Variants in ODAD2 observed in about 807,000 individuals in gnomAD.
ODAD2 encodes the protein outer dynein arm docking complex subunit 2, also known as outer dynein arm-docking complex subunit 2.
Under a neutral mutation model 106.8 loss-of-function variants are expected in ODAD2, and 89 were observed. That is an observed-to-expected ratio of 0.83 (90% CI 0.70 to 0.99). ODAD2 has a LOEUF of 0.99. Among genes scored for constraint, ODAD2 ranks in the 50% least tolerant of loss-of-function variants. ODAD2 has a pLI of 0.00. For missense variants in ODAD2, 1,168 were observed against 1,238.5 expected, an observed-to-expected ratio of 0.94 and a Z score of 0.85; for synonymous variants, 404 against 436.2, an observed-to-expected ratio of 0.93 and a Z score of 0.92.
chr10:27,923,215 T>C (rs1468089372), intron 16 of ODAD2, among the ~76,000 whole-genome samples: 7 of 152,200 alleles, frequency 4.6e-5, no homozygotes, highest in Admixed American at 6.5e-5. Context: ...CTATGTTTAA[T>C]TGACTCACAA....
intron 16 of ODAD2, among the ~76,000 whole-genome samples, chr10:27,931,758 T>A (rs1261009644): frequency 6.8e-6 from 1 of 147,804 alleles, no homozygotes; most frequent in Non-Finnish European, 1.5e-5. Flanking sequence ...AGGTGGCAAC[T>A]AGATAACCTG....
At chr10:27,906,954 T>C (rs1843642414) in intron 17 of ODAD2, among the ~76,000 whole-genome samples, 1 of 152,112 alleles carries the variant, frequency 6.6e-6, no homozygotes, top group Admixed American at 6.6e-5. Flanking sequence ...ATGGCATGTG[T>C]ATACCTATGT....
chr10:27,999,208 C>A (rs1286801213), upstream of ODAD2, among the ~76,000 whole-genome samples: 3 of 152,214 alleles, frequency 2.0e-5, no homozygotes, highest in African/African-American at 4.8e-5. Context: ...CTAACTCACT[C>A]CACGCGGTGG....
chr10:27,865,455 C>T (rs537753530), intron 17 of ODAD2, among the ~76,000 whole-genome samples: 1 of 152,312 alleles, frequency 6.6e-6, no homozygotes, highest in Admixed American at 6.5e-5. Flanking sequence ...ACATCTTCAG[C>T]TGCCAACTAA....
rs371924761 is a variant in ODAD2, at chr10:27,907,713, C to T, written c.2560G>A (p.Val854Met). The T allele has an allele frequency of 4.3e-5, 69 of 1,613,730 alleles. No homozygotes were observed. Among genetic ancestry groups the T allele is most frequent in the Middle Eastern group, 3.3e-4 (2 of 6,060 alleles). Residue 854 changes from valine to methionine, a missense_variant, in exon 17 of 20, where the codon GTG becomes ATG. Transcript: ENST00000305242. ...WSLLKNPHPD[V>M]KASAAWALCP... ...AGTGCCCATGCTGCGCTGGCCTTCA[C>T]GTCTGGGTGAGGATTTTTCAGCAGG...
intron 17 of ODAD2, among the ~76,000 whole-genome samples, chr10:27,890,933 C>G (rs920020558): frequency 6.6e-6 from 1 of 151,956 alleles, no homozygotes; most frequent in African/African-American, 2.4e-5. Flanking sequence ...ATTTTAAAGA[C>G]GTTTTGGATT....
chr10:27,833,413 A>G (rs1411946952), intron 19 of ODAD2, among the ~76,000 whole-genome samples: 1 of 152,210 alleles, frequency 6.6e-6, no homozygotes, highest in Non-Finnish European at 1.5e-5. Context: ...AAACTTCTCT[A>G]GCAGCACGGA....
At chr10:27,899,670 C>T (rs144911734) in intron 17 of ODAD2, among the ~76,000 whole-genome samples, 8,884 of 152,182 alleles carry the variant, frequency 0.058, 349 homozygotes, top group East Asian at 0.16. Flanking sequence ...AGGTGGTTTT[C>T]CCCTCACAGT....
chr10:27,941,865 AT>A (rs1160216262), intron 12 of ODAD2, among the ~76,000 whole-genome samples: 1 of 152,056 alleles, frequency 6.6e-6, no homozygotes, highest in Admixed American at 6.6e-5. Context: ...CCAATCTCAA[AT>A]TTATAAGGGA....
chr10:27,929,112 G>C (rs993359952), intron 16 of ODAD2, among the ~76,000 whole-genome samples: 1 of 152,128 alleles, frequency 6.6e-6, no homozygotes, highest in Non-Finnish European at 1.5e-5. Context: ...TATTAATCAT[G>C]TAGACTGTAC....
In ODAD2 at chr10:27,944,216, A is replaced by G. The variant is rs770250660; in HGVS notation, c.1743+6T>C. 2.5e-6 allele frequency: 4 copies of G among 1,608,904 alleles called. No individual in the cohort carries two copies. Among genetic ancestry groups the G allele is most frequent in the Non-Finnish European group, 3.4e-6 (4 of 1,178,046 alleles). On this transcript the variant is annotated splice_donor_region_variant and intron_variant, in intron 12 of 19. Transcript: ENST00000305242. The stretch of plus-strand genomic sequence containing the variant: ...AGATGACGATGACAACATCACGGCT[A>G]CTCACCAGTTTGGTGATACCCCCGT...
chr10:27,844,049 T>G (rs1398538352), intron 19 of ODAD2, among the ~76,000 whole-genome samples: 2 of 152,034 alleles, frequency 1.3e-5, no homozygotes, highest in Non-Finnish European at 2.9e-5. Context: ...AATAAAAAAA[T>G]TAGCCAGGTA....
intron 10 of ODAD2, among the ~76,000 whole-genome samples, chr10:27,961,205 C>T (rs980011045): frequency 3.9e-5 from 6 of 152,136 alleles, no homozygotes; most frequent in Admixed American, 1.3e-4. Context: ...TCAACAGCTA[C>T]GTTGCTAGTA....
chr10:27,886,565 C>G (rs146815853), intron 17 of ODAD2, among the ~76,000 whole-genome samples: 25 of 151,928 alleles, frequency 1.6e-4, no homozygotes, highest in African/African-American at 5.3e-4. Flanking sequence ...TGAAGCCATA[C>G]AAAAATATAA....
chr10:27,965,307 C>A (rs1226076748), intron 9 of ODAD2, among the ~76,000 whole-genome samples: 1 of 152,154 alleles, frequency 6.6e-6, no homozygotes, highest in Non-Finnish European at 1.5e-5. Flanking sequence ...CCTGTGGTTA[C>A]ACAGAGCCTA....
At chr10:27,926,004 TAA>T (rs34649733) in intron 16 of ODAD2, among the ~76,000 whole-genome samples, 24 of 102,940 alleles carry the variant, frequency 2.3e-4, no homozygotes, top group Admixed American at 6.3e-4. Flanking sequence ...AGACTCCAGC[TAA>T]AAAAAAAAAA....
chr10:27,824,138 C>CAAAAAAA (rs71388934), intron 19 of ODAD2, among the ~76,000 whole-genome samples: 1 of 33,126 alleles, frequency 3.0e-5, no homozygotes, highest in Non-Finnish European at 5.1e-5. Context: ...GACTCCGTCT[C>CAAAAAAA]AAAAAAAAAA....
At position 27,827,590 on chromosome 10, in the gene ODAD2, A is replaced by T. The variant is rs549587416; in HGVS notation, c.3022-14965T>A. 2.6e-5 allele frequency among the ~76,000 whole-genome samples: 4 copies of T among 151,406 alleles called. No individual in the cohort carries two copies. The East Asian group carries it at 7.8e-4, about 30-fold the overall frequency. ...AGGCATCACATCCAAAATGTCACAA[A>T]CTCCTCTTGTTTTTACTTGTCAATT... On this transcript the variant is annotated intron_variant, in intron 19 of 19. Transcript: ENST00000305242.
intron 19 of ODAD2, among the ~76,000 whole-genome samples, chr10:27,850,512 G>A (rs544144958): frequency 4.7e-5 from 7 of 150,328 alleles, no homozygotes; most frequent in Admixed American, 2.0e-4. Context: ...AGCTGATATC[G>A]TACTACTACA....
Sources: allele counts gnomAD v4.1 joint callset (sites outside exome capture counted in the v4.1 genomes callset), GRCh38; gene constraint gnomAD v4.1.1; transcripts MANE v1.5; gene names NCBI Gene and HGNC (gene_info 2026-07-23, HGNC 2026-07-21).